The following HDAC8 variants were observed in gnomAD, a reference collection of about 807,000 sequenced individuals.
HDAC8 encodes the protein histone deacetylase 8.
In HDAC8, 1 loss-of-function variant was observed where a neutral mutation model predicts 32.2. The observed-to-expected ratio is 0.03, with a 90% CI of 0.01 to 0.15. The LOEUF (loss-of-function observed/expected upper bound fraction) is 0.15. Ranked by LOEUF, HDAC8 falls within the 10% of genes least tolerant of loss-of-function variation. The probability of loss-of-function intolerance (pLI) is 1.00; values close to 1 mark genes in which losing one functional copy is unlikely to be tolerated. For synonymous variants in HDAC8, 108 were observed against 113.9 expected, an observed-to-expected ratio of 0.95 and a Z score of 0.33; for missense variants, 117 against 300.0, an observed-to-expected ratio of 0.39 and a Z score of 4.51.
chrX:72,443,459 C>T, intron 9 of HDAC8, among the ~76,000 whole-genome samples: 1 of 111,096 alleles, frequency 9.0e-6, no homozygotes, highest in East Asian at 2.8e-4. Context: ...GAAATGAAGG[C>T]AGAAATAAAG....
Position 72,568,899 on chromosome X carries a change from G to C in HDAC8, c.165-15C>G. ...GCTTAACTATCCTAATAATAACAGA[G>C]AGAACAAAGAGAGGTCAGTGAGTCA... On this transcript the variant is annotated splice_polypyrimidine_tract_variant and intron_variant, in intron 2 of 10. Coordinates refer to ENST00000373573, the MANE Select transcript of HDAC8 (RefSeq NM_018486.3). The C allele has an allele frequency of 8.3e-7, 1 of 1,199,842 alleles. No individual in the cohort carries two copies. The highest frequency in any genetic ancestry group is 1.1e-6 in the Non-Finnish European group (1 of 889,176).
chrX:72,507,226 C>A (rs2049423032), intron 4 of HDAC8, among the ~76,000 whole-genome samples: 1 of 111,455 alleles, frequency 9.0e-6, no homozygotes, highest in Non-Finnish European at 1.9e-5. Context: ...TGACCTTTGC[C>A]ATTGTCTCTC....
At chrX:72,411,078 T>A in intron 9 of HDAC8, among the ~76,000 whole-genome samples, 1 of 101,410 alleles carries the variant, frequency 9.9e-6, no homozygotes, top group Non-Finnish European at 2.0e-5. Flanking sequence ...CAGACTGGAG[T>A]GCAGTGGTGC....
chrX:72,368,389 A>C (rs1602600314), intron 9 of HDAC8, among the ~76,000 whole-genome samples: 1 of 90,529 alleles, frequency 1.1e-5, no homozygotes, highest in East Asian at 3.4e-4. Flanking sequence ...ATGGAGTCTC[A>C]CTCTGTCGCC....
At chrX:72,494,889 C>T (rs1185097532) in intron 5 of HDAC8, among the ~76,000 whole-genome samples, 1 of 111,330 alleles carries the variant, frequency 9.0e-6, no homozygotes, top group East Asian at 2.8e-4. Flanking sequence ...GGAGTAAACA[C>T]TAGGTAAGAT....
chrX:72,516,290 G>T (rs1287153675), intron 4 of HDAC8, among the ~76,000 whole-genome samples: 1 of 111,649 alleles, frequency 9.0e-6, no homozygotes, highest in African/African-American at 3.3e-5. Context: ...GACTTAACAA[G>T]TAGCCAGAAA....
intron 4 of HDAC8, among the ~76,000 whole-genome samples, chrX:72,559,551 C>A (rs1168683401): frequency 9.2e-6 from 1 of 108,841 alleles, no homozygotes; most frequent in Non-Finnish European, 1.9e-5. Context: ...ATGTGAGGAG[C>A]CCCTCTGCCC....
intron 9 of HDAC8, among the ~76,000 whole-genome samples, chrX:72,389,456 T>C (rs2984294): frequency 0.068 from 7,645 of 111,898 alleles, 646 homozygotes; most frequent in African/African-American, 0.24. Context: ...GTTCAAAATA[T>C]GGCTTTCTCA....
intron 4 of HDAC8, among the ~76,000 whole-genome samples, chrX:72,547,800 C>T (rs2050908835): frequency 8.9e-6 from 1 of 111,925 alleles, no homozygotes; most frequent in Non-Finnish European, 1.9e-5. Context: ...GAAAAATGCA[C>T]ATAAGGTAGC....
intron 4 of HDAC8, among the ~76,000 whole-genome samples, chrX:72,534,744 T>C (rs918870904): frequency 2.7e-5 from 3 of 112,185 alleles, no homozygotes; most frequent in African/African-American, 9.7e-5. Flanking sequence ...GGGCCCGTCA[T>C]AGTAGAATTA....
chrX:72,401,967 A>G (rs2045912208), intron 9 of HDAC8, among the ~76,000 whole-genome samples: 1 of 112,264 alleles, frequency 8.9e-6, no homozygotes, highest in East Asian at 2.8e-4. Context: ...TTAAGCAGTG[A>G]AGCCATCTAG....
intron 10 of HDAC8, among the ~76,000 whole-genome samples, chrX:72,335,266 A>G (rs2043648818): frequency 8.9e-6 from 1 of 112,310 alleles, no homozygotes; most frequent in Non-Finnish European, 1.9e-5. Flanking sequence ...TGAAAAGTAT[A>G]TAATGTTATG....
At chrX:72,393,217 C>G (rs966233788) in intron 9 of HDAC8, among the ~76,000 whole-genome samples, 8 of 111,565 alleles carry the variant, frequency 7.2e-5, no homozygotes, top group Non-Finnish European at 1.5e-4. Flanking sequence ...CCTCTTCTGC[C>G]TCTGTTAGCT....
intron 4 of HDAC8, among the ~76,000 whole-genome samples, chrX:72,559,222 G>GACCA (rs1556108172): frequency 9.4e-6 from 1 of 106,410 alleles, no homozygotes; most frequent in Non-Finnish European, 1.9e-5. Context: ...CAGGCGTGCT[G>GACCA]CCACGCCTGA....
intron 4 of HDAC8, among the ~76,000 whole-genome samples, chrX:72,512,933 C>G (rs1452359917): frequency 9.0e-6 from 1 of 111,626 alleles, no homozygotes; most frequent in African/African-American, 3.3e-5. Context: ...CTCAAGTACT[C>G]AAAGCTTAAC....
chrX:72,568,274 T>A (rs2051877302), intron 3 of HDAC8, among the ~76,000 whole-genome samples: 1 of 112,231 alleles, frequency 8.9e-6, no homozygotes, highest in African/African-American at 3.2e-5. Context: ...AGAGGTGATG[T>A]GTCTTGTCAG....
At chrX:72,490,080 G>A (rs1301852546) in intron 6 of HDAC8, among the ~76,000 whole-genome samples, 15 of 110,540 alleles carry the variant, frequency 1.4e-4, no homozygotes, top group African/African-American at 2.6e-4. Context: ...TTAGAATGGC[G>A]ATCATTAAAA....
At chrX:72,477,586 T>A (rs1381336395) in intron 7 of HDAC8, among the ~76,000 whole-genome samples, 2 of 112,133 alleles carry the variant, frequency 1.8e-5, no homozygotes, top group African/African-American at 6.5e-5. Context: ...TAATATCCTT[T>A]CCCAGATGAT....
chrX:72,399,124 TA>T (rs1555966561), intron 9 of HDAC8, among the ~76,000 whole-genome samples: 1 of 111,988 alleles, frequency 8.9e-6, no homozygotes, highest in African/African-American at 3.2e-5. Flanking sequence ...TGTTTTCTTC[TA>T]AAAGTATTTA....
Sources: gnomAD v4.1 joint callset for allele counts (sites outside exome capture counted in the v4.1 genomes callset) on GRCh38, gnomAD v4.1.1 for gene constraint, MANE v1.5 for transcripts, NCBI Gene and HGNC (gene_info 2026-07-23, HGNC 2026-07-21) for gene names.